Variants in CASKIN2 observed in about 807,000 individuals in gnomAD.
CASKIN2 encodes CASK interacting protein 2.
A neutral mutation model predicts 107.1 loss-of-function variants in CASKIN2; 41 were observed. The ratio of observed to expected loss-of-function variants is 0.38; its 90% CI spans 0.30 to 0.50. The LOEUF (loss-of-function observed/expected upper bound fraction) is 0.50. CASKIN2 is among the 20% of genes least tolerant of loss of function. The pLI is 0.92. For missense variants in CASKIN2, 1,546 were observed against 1,657.4 expected (o/e 0.93, Z 1.17); for synonymous variants, 724 against 705.6 (o/e 1.03, Z -0.41).
intron 2 of CASKIN2, among the ~76,000 whole-genome samples, chr17:75,512,879 G>A (rs563102873): frequency 8.7e-5 from 12 of 138,478 alleles, no homozygotes; most frequent in Admixed American, 1.5e-4. Context: ...CAGGCCGGGT[G>A]AGAAAGCAAG....
In CASKIN2 at chr17:75,500,884, T is replaced by C. The variant is rs1336324324; in HGVS notation, c.*196A>G. 1.2e-5 allele frequency: 7 copies of C among 588,800 alleles called. No individual in the cohort carries two copies. The African/African-American group carries it at 1.3e-4, about 11-fold the overall frequency. 36.5% of individuals were successfully genotyped at this position (588,800 alleles called of 1,614,324 possible). A position where few individuals can be genotyped will look rare whatever the true frequency, so the allele number is the denominator to read the frequency against. ...CTGAGATGCAGCGGAGGTCCCTCGC[T>C]AGTCAGGTTCTAAGGTGGGCTGCCC... On this transcript the variant is annotated 3_prime_UTR_variant, in exon 20 of 20. Coordinates refer to ENST00000321617, the MANE Select transcript of CASKIN2 (RefSeq NM_020753.5).
intron 2 of CASKIN2, among the ~76,000 whole-genome samples, chr17:75,511,633 G>T (rs2053316600): frequency 6.6e-6 from 1 of 152,216 alleles, no homozygotes; most frequent in Admixed American, 6.5e-5. Context: ...AGAGGACTGG[G>T]AGGGGAGGCA....
rs776777316 is a variant in CASKIN2, at chr17:75,502,183, G to T, written c.2891C>A (p.Pro964Gln). ...TCGGGGCGGGGGGCCAGCGGGCTTC[G>T]GGCGCTGTTTGATGGTCAGGTTCCC... Reference protein sequence around the residue: ...EEGNLTIKQRPKPAGPPPRET... With the variant: ...EEGNLTIKQRQKPAGPPPRET... Residue 964 changes from proline (P) to glutamine (Q), a missense_variant, in exon 18 of 20, where the codon CCG becomes CAG. Physicochemically the swap from Pro to Gln is moderately conservative, Grantham distance 76. Coordinates refer to ENST00000321617, the MANE Select transcript of CASKIN2 (RefSeq NM_020753.5). The surrounding 1 kb of genome is among the most constrained non-coding windows in gnomAD (Gnocchi z 4.3). 1.2e-6 allele frequency: 2 copies of T among 1,600,358 alleles called. No homozygotes were observed. Among genetic ancestry groups the T allele is most frequent in the Non-Finnish European group, 1.7e-6 (2 of 1,179,366 alleles).
Position 75,507,032 on chromosome 17 carries a change from G to A in CASKIN2, c.342C>T (p.Asp114=), listed in dbSNP as rs148726052. 30 of 1,612,794 alleles carry A rather than the reference G, an allele frequency of 1.9e-5. No homozygotes were observed. In the African/African-American group the frequency reaches 2.3e-4, roughly 12 times the overall value. The change falls in exon 5 of 20, where the codon GAC becomes GAT. Residue 114 remains aspartate (D), a synonymous_variant. Transcript: ENST00000321617. ...ASAAVNAASL[D]GQIPLHLAAQ... Reference sequence around the variant, plus strand: ...CAGCCAGGTGCAGGGGGATCTGTCCGTCCAGCGAGGCGGCATTGACAGCCG... The same window carrying A: ...CAGCCAGGTGCAGGGGGATCTGTCCATCCAGCGAGGCGGCATTGACAGCCG...
intron 2 of CASKIN2, among the ~76,000 whole-genome samples, chr17:75,510,492 G>T (rs72851939): frequency 0.095 from 14,200 of 149,680 alleles, 726 homozygotes; most frequent in African/African-American, 0.11. Context: ...GAGAACTGCA[G>T]TAAAATCATG....
At chr17:75,504,018 C>T (rs1009923183) in intron 14 of CASKIN2, 56 bp from the exon 15 acceptor site, 21 of 1,506,106 alleles carry the variant, frequency 1.4e-5, no homozygotes, top group Non-Finnish European at 1.9e-5. Context: ...GGCCCTAGCC[C>T]CCACCAGGGG....
chr17:75,513,950 CTCCTCGTCAGGTACT>C lies in CASKIN2; in HGVS notation c.-161_-147del. On this transcript the variant is annotated 5_prime_UTR_variant, in exon 2 of 20. Transcript: ENST00000321617. ...CAAGTCAGGTGTCCCAGGCAGTGGG[CTCCTCGTCAGGTACT>C]GAGGGATACTCCCAAAGGTGCTCCG... 3 of 660,960 alleles carry C rather than the reference CTCCTCGTCAGGTACT, an allele frequency of 4.5e-6. No homozygotes were observed. In the East Asian group the frequency reaches 8.1e-5, roughly 18 times the overall value. 40.9% of individuals were successfully genotyped at this position (660,960 alleles called of 1,614,324 possible). A position where few individuals can be genotyped will look rare whatever the true frequency, so the allele number is the denominator to read the frequency against.
At chr17:75,509,014 C>T (rs1250952848) in intron 2 of CASKIN2, among the ~76,000 whole-genome samples, 38 of 152,230 alleles carry the variant, frequency 2.5e-4, no homozygotes, top group Admixed American at 2.5e-3. Context: ...CCATACTGTC[C>T]CCACTGGGAT....
Position 75,507,694 on chromosome 17 carries a change from G to A in CASKIN2, c.147-13C>T, listed in dbSNP as rs1376028581. 6.2e-7 allele frequency: 1 copy of A among 1,603,488 alleles called. No homozygotes were observed. The highest frequency in any genetic ancestry group is 1.1e-5 in the South Asian group (1 of 90,428). On this transcript the variant is annotated splice_polypyrimidine_tract_variant and intron_variant, in intron 3 of 19. Coordinates refer to ENST00000321617, the MANE Select transcript of CASKIN2 (RefSeq NM_020753.5). ...GAGGGCAGAGAATCTGATGTGGGAG[G>A]ACACAAAGTTAGGGGTGTTGGTGGG...
chr17:75,507,754 C>T (rs973098019), intron 3 of CASKIN2, 73 bp from the exon 4 acceptor site: 17 of 1,171,822 alleles, frequency 1.5e-5, no homozygotes, highest in East Asian at 5.1e-5. Flanking sequence ...CTTCCATACC[C>T]GAACCTATCC....
chr17:75,509,881 C>G (rs2053302504), intron 2 of CASKIN2: 1 of 985,704 alleles, frequency 1.0e-6, no homozygotes, highest in Non-Finnish European at 1.2e-6. Flanking sequence ...CCGAGAGGAG[C>G]AGGACAATGT....
Position 75,506,644 on chromosome 17 carries a change from C to T in CASKIN2, c.556G>A (p.Asp186Asn), listed in dbSNP as rs1436365470. 1.2e-6 allele frequency: 2 copies of T among 1,613,280 alleles called. No individual in the cohort carries two copies. The highest frequency in any genetic ancestry group is 2.7e-5 in the African/African-American group (2 of 74,922). The change falls in exon 7 of 20, where the codon GAC (aspartate) becomes AAC (asparagine). Residue 186 changes from aspartate to asparagine, a missense_variant. This residue lies in a region of CASKIN2 where 31 missense variants were observed against 28.7 expected (regional missense o/e 1.08). Transcript: ENST00000321617. This position sits in a 1 kb window ranked among gnomAD's most constrained non-coding sequence, Gnocchi z 4.8. Reference sequence around the variant, plus strand: ...TGCAGGGGCGTGGTGTAGTTGGGGTCACACGGGTCTTTGGCCTCACCCTCC... The same window carrying T: ...TGCAGGGGCGTGGTGTAGTTGGGGTTACACGGGTCTTTGGCCTCACCCTCC... ...LLEGEAKDPC[D>N]PNYTTPLHLA...
Position 75,506,651 on chromosome 17 carries a change from G to C in CASKIN2, c.549C>G (p.Asp183Glu), listed in dbSNP as rs746947593. The change falls in exon 7 of 20, where the codon GAC becomes GAG. Residue 183 changes from aspartate to glutamate, a missense_variant. Transcript: ENST00000321617. The surrounding 1 kb of genome is among the most constrained non-coding windows in gnomAD (Gnocchi z 4.8). ...GCGTGGTGTAGTTGGGGTCACACGG[G>C]TCTTTGGCCTCACCCTCCAGCAGTG... ...CVALLEGEAKDPCDPNYTTPL... is the reference protein window; with the variant it reads ...CVALLEGEAKEPCDPNYTTPL... 20 of 1,613,228 alleles carry C rather than the reference G, an allele frequency of 1.2e-5. No homozygotes were observed. The highest frequency in any genetic ancestry group is 2.5e-6 in the Non-Finnish European group (3 of 1,179,970).
rs146382487 is a variant in CASKIN2, at chr17:75,502,963, C to T, written c.2111G>A (p.Arg704His). 1.4e-4 allele frequency: 222 copies of T among 1,593,636 alleles called. 1 individual carries two copies. The highest frequency in any genetic ancestry group is 3.6e-4 in the Admixed American group (21 of 58,758). Reference protein sequence around the residue: ...RSPSQESIGARSRGSGHSQEQ... With the variant: ...RSPSQESIGAHSRGSGHSQEQ... ...CTGTGAGTGGCCAGACCCCCGTGAGCGTGCCCCGATGCTCTCCTGGCTGGG... is the reference window on the plus strand; with the variant it reads ...CTGTGAGTGGCCAGACCCCCGTGAGTGTGCCCCGATGCTCTCCTGGCTGGG... The change falls in exon 18 of 20, where the codon CGC becomes CAC. Residue 704 changes from arginine to histidine, a missense_variant. Physicochemically the swap from Arg to His is conservative, Grantham distance 29. Coordinates refer to ENST00000321617, the MANE Select transcript of CASKIN2 (RefSeq NM_020753.5). This position sits in a 1 kb window ranked among gnomAD's most constrained non-coding sequence, Gnocchi z 4.3.
intron 16 of CASKIN2, 30 bp downstream of exon 16, chr17:75,503,629 C>T: frequency 6.2e-7 from 1 of 1,608,860 alleles, no homozygotes. Flanking sequence ...CAGCACGTGC[C>T]CCACTCCCCA....
chr17:75,501,488 A>G lies in CASKIN2; in HGVS notation c.3498T>C (p.Ile1166=). 1.2e-6 allele frequency: 2 copies of G among 1,610,822 alleles called. No homozygotes were observed. The highest frequency in any genetic ancestry group is 1.7e-6 in the Non-Finnish European group (2 of 1,178,328). ...AAALRAAEKS[I]GTKEQEGTPS... ...CTCACCCCTCTTGCTCCTTGGTGCC[A>G]ATGCTCTTCTCTGCGGCTCTCAGTG... Residue 1166 remains isoleucine (I), a synonymous_variant, in exon 19 of 20, where the codon ATT becomes ATC. Coordinates refer to ENST00000321617, the MANE Select transcript of CASKIN2 (RefSeq NM_020753.5).
chr17:75,501,991 C>T lies in CASKIN2; in HGVS notation c.3083G>A (p.Gly1028Asp), dbSNP rs909160755. The T allele has an allele frequency of 6.2e-7, 1 of 1,612,312 alleles. No homozygotes were observed. The highest frequency in any genetic ancestry group is 8.5e-7 in the Non-Finnish European group (1 of 1,179,436). Residue 1028 changes from glycine (G) to aspartate (D), a missense_variant, in exon 18 of 20, where the codon GGC becomes GAC. Gly to Asp is a moderately conservative substitution (Grantham distance 94). Transcript: ENST00000321617. ...AAGGCTAGAAGCTGGAGGAGACTCG[C>T]CAGGAGTTGGGGAAGGCAGTGGGGC... ...PAAPLPSPTP[G>D]ESPPASSLPQ...
At position 75,507,010 on chromosome 17, in the gene CASKIN2, C is replaced by A; in HGVS notation, c.364G>T (p.Ala122Ser). 4 of 1,613,254 alleles carry A rather than the reference C, an allele frequency of 2.5e-6. No individual in the cohort carries two copies. The stretch of plus-strand genomic sequence containing the variant: ...ACCTCATAATGTCCATACTGTGCAG[C>A]CAGGTGCAGGGGGATCTGTCCGTCC... ...SLDGQIPLHL[A>S]AQYGHYEVSE... Residue 122 changes from alanine to serine, a missense_variant, in exon 5 of 20, where the codon GCT (alanine) becomes TCT (serine). Physicochemically the swap from Ala to Ser is moderately conservative, Grantham distance 99 (BLOSUM62 1). Around this residue, in one of 6 missense-constraint regions of CASKIN2, gnomAD observed 136 missense variants for 198.6 expected, o/e 0.68. Transcript: ENST00000321617.
chr17:75,506,343 G>C lies in CASKIN2; in HGVS notation c.688C>G (p.Leu230Val). Residue 230 changes from leucine to valine, a missense_variant, in exon 8 of 20, where the codon CTG becomes GTG. By Grantham distance (32) the Leu-to-Val change is conservative. Coordinates refer to ENST00000321617, the MANE Select transcript of CASKIN2 (RefSeq NM_020753.5). This position sits in a 1 kb window ranked among gnomAD's most constrained non-coding sequence, Gnocchi z 4.8. The part of the protein sequence containing the change: ...KTGTALHEAA[L>V]YGKTEVVRLL... ...CGCACCACCTCGGTCTTGCCATACA[G>C]TGCGGCCTCGTGGAGCGCCGTACCC... is the stretch of plus-strand genomic sequence containing the variant. 1 of 1,612,126 alleles carries C rather than the reference G, an allele frequency of 6.2e-7. No individual in the cohort carries two copies. Among genetic ancestry groups the C allele is most frequent in the Non-Finnish European group, 8.5e-7 (1 of 1,180,006 alleles).
Sources: allele counts gnomAD v4.1 joint callset (sites outside exome capture counted in the v4.1 genomes callset), GRCh38; gene constraint gnomAD v4.1.1; regional missense constraint gnomAD v4.1.1; non-coding constraint Gnocchi (gnomAD v3.1); transcripts MANE v1.5; gene names NCBI Gene and HGNC (gene_info 2026-07-23, HGNC 2026-07-21).